The following ADGRL2 variants were observed in gnomAD, a reference collection of about 807,000 sequenced individuals.
ADGRL2 encodes the protein adhesion G protein-coupled receptor L2.
In ADGRL2, 44 loss-of-function variants were observed where a neutral mutation model predicts 157.4. That is an observed-to-expected ratio of 0.28 (90% CI 0.22 to 0.36). The LOEUF (loss-of-function observed/expected upper bound fraction) is 0.36. ADGRL2 is among the 10% of genes least tolerant of loss of function. The probability of loss-of-function intolerance (pLI) is 1.00; values close to 1 mark genes in which losing one functional copy is unlikely to be tolerated. For synonymous variants in ADGRL2, 585 were observed against 624.7 expected, an observed-to-expected ratio of 0.94 and a Z score of 0.95; for missense variants, 1,510 against 1,768.9, an observed-to-expected ratio of 0.85 and a Z score of 2.63.
chr1:81,408,859 T>C (rs2076900728), intron 1 of ADGRL2, among the ~76,000 whole-genome samples: 1 of 152,214 alleles, frequency 6.6e-6, no homozygotes, highest in South Asian at 2.1e-4. Context: ...TTAGTTTACA[T>C]GGGAGGGGCC....
intron 2 of ADGRL2, among the ~76,000 whole-genome samples, chr1:81,857,543 C>G (rs780422895): frequency 7.2e-5 from 11 of 152,108 alleles, no homozygotes; most frequent in Non-Finnish European, 1.5e-4. Flanking sequence ...TTTGGCATTG[C>G]GTAGTCACCT....
chr1:81,898,825 C>G (rs1401925690), intron 2 of ADGRL2, among the ~76,000 whole-genome samples: 1 of 152,118 alleles, frequency 6.6e-6, no homozygotes, highest in Non-Finnish European at 1.5e-5. Flanking sequence ...GAAATCATGT[C>G]CCCTCCTCCT....
At chr1:81,775,759 T>C (rs999052903) in intron 2 of ADGRL2, among the ~76,000 whole-genome samples, 9 of 152,130 alleles carry the variant, frequency 5.9e-5, no homozygotes, top group Non-Finnish European at 1.3e-4. Context: ...AAGCATGACA[T>C]TTCAGTTCAG....
intron 3 of ADGRL2, among the ~76,000 whole-genome samples, chr1:81,934,474 T>G (rs908297560): frequency 6.6e-6 from 1 of 151,988 alleles, no homozygotes; most frequent in Admixed American, 6.6e-5. Flanking sequence ...GTATTCTTTA[T>G]TTTTGAAAAA....
intron 3 of ADGRL2, among the ~76,000 whole-genome samples, chr1:81,911,323 G>C (rs909938502): frequency 6.6e-6 from 1 of 151,712 alleles, no homozygotes; most frequent in Non-Finnish European, 1.5e-5. Context: ...TGTTGGGGGG[G>C]GCAACTTAAA....
chr1:81,477,420 T>G (rs926608966), intron 2 of ADGRL2, among the ~76,000 whole-genome samples: 7 of 152,224 alleles, frequency 4.6e-5, no homozygotes, highest in African/African-American at 1.7e-4. Context: ...GCTGGAGCAG[T>G]GAAGAGAAAT....
chr1:81,690,946 A>G (rs1406417820), intron 3 of ADGRL2, among the ~76,000 whole-genome samples: 4 of 152,244 alleles, frequency 2.6e-5, no homozygotes, highest in Admixed American at 6.5e-5. Flanking sequence ...TCTTTACAGA[A>G]GCACTTAAAG....
chr1:81,825,520 A>G (rs536643681), intron 1 of ADGRL2, among the ~76,000 whole-genome samples: 2 of 151,774 alleles, frequency 1.3e-5, no homozygotes, highest in African/African-American at 2.4e-5. Flanking sequence ...AATTTTTTGT[A>G]TTTTAGTAGA....
chr1:81,340,966 C>T (rs966694117), intron 1 of ADGRL2, among the ~76,000 whole-genome samples: 2 of 151,730 alleles, frequency 1.3e-5, no homozygotes, highest in Non-Finnish European at 2.9e-5. Context: ...CCATTTTCCA[C>T]ATCGTCAATG....
intron 3 of ADGRL2, among the ~76,000 whole-genome samples, chr1:81,921,487 T>C (rs1357446304): frequency 6.6e-6 from 1 of 152,224 alleles, no homozygotes; most frequent in Non-Finnish European, 1.5e-5. Context: ...TTTAATGTGC[T>C]TACTCTGTTT....
chr1:81,563,704 A>C (rs867550238), intron 2 of ADGRL2, among the ~76,000 whole-genome samples: 1 of 152,170 alleles, frequency 6.6e-6, no homozygotes, highest in African/African-American at 2.4e-5. Context: ...CATTTCTTCT[A>C]TTTCTCATAT....
rs189552168 is a variant in ADGRL2 at position 81,391,710 on chromosome 1, A to T, written c.-301-53326A>T. Reference sequence around the variant, plus strand: ...CTGACAATTTAGCCACTTACACTTCACTCTCCAAACCTGTGCCTCACTAAA... The same window carrying T: ...CTGACAATTTAGCCACTTACACTTCTCTCTCCAAACCTGTGCCTCACTAAA... On this transcript the variant is annotated intron_variant, in intron 1 of 24. Transcript: ENST00000370721. 1.7e-3 allele frequency among the ~76,000 whole-genome samples: 257 copies of T among 151,692 alleles called. 3 individuals are homozygous for T. Among genetic ancestry groups the T allele is most frequent in the Admixed American group, 4.1e-3 (62 of 15,230 alleles).
At chr1:81,715,179 ATTT>A (rs36125044) in intron 1 of ADGRL2, among the ~76,000 whole-genome samples, 471 of 146,212 alleles carry the variant, frequency 3.2e-3, no homozygotes, top group African/African-American at 8.0e-3. Context: ...AATTTAGTAA[ATTT>A]TTTTTTTTTT....
intron 1 of ADGRL2, among the ~76,000 whole-genome samples, chr1:81,309,948 A>G (rs1659627818): frequency 6.6e-6 from 1 of 152,152 alleles, no homozygotes; most frequent in African/African-American, 2.4e-5. Context: ...TCTGATAACA[A>G]TTAAAATTTT....
At chr1:81,905,972 G>A (rs2094576958) in intron 2 of ADGRL2, among the ~76,000 whole-genome samples, 1 of 151,776 alleles carries the variant, frequency 6.6e-6, no homozygotes, top group East Asian at 1.9e-4. Flanking sequence ...GTGTGTGTGT[G>A]TGTGTGTGTG....
chr1:81,375,180 G>A (rs1167626536), intron 1 of ADGRL2, among the ~76,000 whole-genome samples: 1 of 152,228 alleles, frequency 6.6e-6, no homozygotes. Context: ...GTCTTAATAA[G>A]TGTATACAAA....
At chr1:81,679,605 G>A (rs1361918976) in intron 3 of ADGRL2, among the ~76,000 whole-genome samples, 1 of 152,162 alleles carries the variant, frequency 6.6e-6, no homozygotes, top group Non-Finnish European at 1.5e-5. Context: ...AGCAAATCCA[G>A]GAGGCCCTGG....
At chr1:81,939,590 A>G (rs1647203848) in intron 4 of ADGRL2, among the ~76,000 whole-genome samples, 1 of 151,454 alleles carries the variant, frequency 6.6e-6, no homozygotes, top group Non-Finnish European at 1.5e-5. Context: ...CTGTGTAGTT[A>G]GTTTGGGTTA....
At chr1:81,910,739 A>G (rs990799451) in intron 3 of ADGRL2, among the ~76,000 whole-genome samples, 5 of 151,530 alleles carry the variant, frequency 3.3e-5, no homozygotes, top group African/African-American at 1.2e-4. Flanking sequence ...CCTTTTTTAA[A>G]AAAAAAACTT....
Sources: allele counts gnomAD v4.1 joint callset (sites outside exome capture counted in the v4.1 genomes callset), GRCh38; gene constraint gnomAD v4.1.1; transcripts MANE v1.5; gene names NCBI Gene and HGNC (gene_info 2026-07-23, HGNC 2026-07-21).